JADE3: variants seen among roughly 807,000 people sequenced by gnomAD.
JADE3 encodes the protein protein Jade-3.
JADE3 carries 2 observed loss-of-function variants against 50.1 expected under a neutral mutation model. That is an observed-to-expected ratio of 0.04 (90% CI 0.02 to 0.13). The LOEUF is 0.13. JADE3 is among the 10% of genes least tolerant of loss of function. JADE3 has a pLI of 1.00. For synonymous variants in JADE3, 218 were observed against 232.9 expected, an observed-to-expected ratio of 0.94 and a Z score of 0.58; for missense variants, 475 against 634.4, an observed-to-expected ratio of 0.75 and a Z score of 2.70.
chrX:46,960,235 G>A (rs61341199), intron 1 of JADE3, among the ~76,000 whole-genome samples: 6,464 of 50,266 alleles, frequency 0.13, 476 homozygotes, highest in African/African-American at 0.24. Context: ...TGGCATCTGT[G>A]CAACAAAAAA....
intron 4 of JADE3, among the ~76,000 whole-genome samples, chrX:47,013,955 A>T (rs1439385890): frequency 9.0e-6 from 1 of 111,503 alleles, no homozygotes; most frequent in Non-Finnish European, 1.9e-5. Flanking sequence ...CATGACCTTT[A>T]CTCTTGACTG....
At chrX:46,960,242 A>AAC (rs1927228510) in intron 1 of JADE3, among the ~76,000 whole-genome samples, 1 of 103,569 alleles carries the variant, frequency 9.7e-6, no homozygotes, top group African/African-American at 3.4e-5. Flanking sequence ...TGTGCAACAA[A>AAC]AAAAAAAAAA....
At chrX:46,917,862 T>TCACATC (rs1569533776) in intron 1 of JADE3, among the ~76,000 whole-genome samples, 1 of 71,615 alleles carries the variant, frequency 1.4e-5, no homozygotes, top group Admixed American at 1.6e-4. Flanking sequence ...TCTCATCCTC[T>TCACATC]CTCTCTCTCT....
chrX:46,982,073 A>T (rs1286471568), intron 1 of JADE3, among the ~76,000 whole-genome samples: 2 of 110,783 alleles, frequency 1.8e-5, no homozygotes, highest in African/African-American at 3.3e-5. Context: ...CTCCTTTCTC[A>T]TTCACTTTTC....
intron 1 of JADE3, among the ~76,000 whole-genome samples, chrX:46,955,677 C>G (rs1360112056): frequency 9.0e-6 from 1 of 111,000 alleles, no homozygotes; most frequent in Non-Finnish European, 1.9e-5. Flanking sequence ...CTGAGAGGTT[C>G]CAGTCCAAGG....
chrX:46,994,241 T>C (rs1170724841), intron 3 of JADE3, among the ~76,000 whole-genome samples: 5 of 112,002 alleles, frequency 4.5e-5, no homozygotes, highest in African/African-American at 1.6e-4. Flanking sequence ...GGTTAAGCAT[T>C]GATGTTCTAA....
intron 3 of JADE3, among the ~76,000 whole-genome samples, chrX:46,990,751 G>A (rs1927970215): frequency 9.0e-6 from 1 of 110,700 alleles, no homozygotes; most frequent in Admixed American, 9.6e-5. Context: ...AATTCAGTGG[G>A]TTTTAGTATG....
chrX:46,947,196 T>C (rs1441261938), intron 1 of JADE3, among the ~76,000 whole-genome samples: 2 of 111,007 alleles, frequency 1.8e-5, no homozygotes, highest in Non-Finnish European at 3.8e-5. Flanking sequence ...ATTTTTGTGT[T>C]TTTTGTAGAG....
At chrX:46,937,399 C>G (rs1926652717) in intron 1 of JADE3, among the ~76,000 whole-genome samples, 1 of 110,995 alleles carries the variant, frequency 9.0e-6, no homozygotes, top group African/African-American at 3.3e-5. Flanking sequence ...GTGAAGTGTT[C>G]TGTACATGTC....
intron 4 of JADE3, among the ~76,000 whole-genome samples, chrX:46,999,300 A>G (rs1448329798): frequency 2.8e-5 from 3 of 107,887 alleles, no homozygotes; most frequent in Non-Finnish European, 5.7e-5. Flanking sequence ...TATCTCTTAA[A>G]GACCCCACCT....
At chrX:46,920,251 A>G (rs1356733377) in intron 1 of JADE3, among the ~76,000 whole-genome samples, 2 of 112,341 alleles carry the variant, frequency 1.8e-5, no homozygotes, top group African/African-American at 6.5e-5. Context: ...TTTTCCCCCT[A>G]GAAATGCCTC....
At chrX:47,041,969 CT>C (rs1310295375) in intron 8 of JADE3, among the ~76,000 whole-genome samples, 1 of 109,877 alleles carries the variant, frequency 9.1e-6, no homozygotes, top group Non-Finnish European at 1.9e-5. Context: ...CACACCTGGC[CT>C]TTTTTTTTCT....
chrX:46,981,773 T>C (rs1927758379), intron 1 of JADE3, among the ~76,000 whole-genome samples: 1 of 112,462 alleles, frequency 8.9e-6, no homozygotes, highest in East Asian at 2.8e-4. Context: ...TTCACAGATA[T>C]GTGCAACCAA....
chrX:46,965,274 A>G (rs1426062175), intron 1 of JADE3, among the ~76,000 whole-genome samples: 4 of 111,524 alleles, frequency 3.6e-5, no homozygotes, highest in African/African-American at 6.5e-5. Flanking sequence ...GAACAGAGAC[A>G]GTAAAAAGAT....
At chrX:47,001,955 G>C (rs1327180737) in intron 4 of JADE3, among the ~76,000 whole-genome samples, 1 of 110,830 alleles carries the variant, frequency 9.0e-6, no homozygotes, top group Non-Finnish European at 1.9e-5. Context: ...CAGATTCTTT[G>C]TTTTTTTACT....
chrX:47,036,876 G>T (rs1342860942), intron 7 of JADE3, among the ~76,000 whole-genome samples: 1 of 80,375 alleles, frequency 1.2e-5, no homozygotes, highest in Non-Finnish European at 2.4e-5. Context: ...ACCAAACACC[G>T]CATATTCTCA....
rs188121565 is a variant in JADE3 at position 46,979,913 on chromosome X, G to A, written c.-11-4971G>A. Among the ~76,000 whole-genome samples the A allele has an allele frequency of 1.2e-4, 10 of 81,667 alleles. No individual in the cohort carries two copies. In the East Asian group the frequency reaches 3.5e-3, roughly 29 times the overall value. 70.9% of individuals were successfully genotyped at this position (81,667 alleles called of 115,157 possible). On this transcript the variant is annotated intron_variant, in intron 1 of 10. Coordinates refer to ENST00000614628, the MANE Select transcript of JADE3 (RefSeq NM_014735.5). The stretch of plus-strand genomic sequence containing the variant: ...TTTTTTTTTTTTGAGACAGAGTCTC[G>A]CTGTCACCCAGGCTGGAGTACAGTG...
chrX:46,959,587 G>T (rs1556347264), intron 1 of JADE3, among the ~76,000 whole-genome samples: 1 of 111,603 alleles, frequency 9.0e-6, no homozygotes, highest in Non-Finnish European at 1.9e-5. Context: ...AAATGACATG[G>T]GTCCCTACCT....
chrX:46,970,245 G>T (rs1245849542), intron 1 of JADE3, among the ~76,000 whole-genome samples: 1 of 112,131 alleles, frequency 8.9e-6, no homozygotes, highest in Non-Finnish European at 1.9e-5. Flanking sequence ...CAGACCCTTT[G>T]ATTTCTCCCC....
Sources: gnomAD v4.1 joint callset for allele counts (sites outside exome capture counted in the v4.1 genomes callset) on GRCh38, gnomAD v4.1.1 for gene constraint, MANE v1.5 for transcripts, NCBI Gene and HGNC (gene_info 2026-07-23, HGNC 2026-07-21) for gene names.